The following PXDNL variants were observed in gnomAD, a reference collection of about 807,000 sequenced individuals.
PXDNL encodes probable oxidoreductase PXDNL.
In PXDNL, 145 loss-of-function variants were observed where a neutral mutation model predicts 150.8. The ratio of observed to expected loss-of-function variants is 0.96; its 90% confidence interval spans 0.84 to 1.10. PXDNL has a LOEUF of 1.10. PXDNL is among the 50% of genes least tolerant of loss of function. The pLI, the probability that PXDNL is intolerant of heterozygous loss-of-function variation, is 0.00. For missense variants in PXDNL, 2,087 were observed against 1,873.9 expected (o/e 1.11, Z -2.10); for synonymous variants, 757 against 725.7 (o/e 1.04, Z -0.69).
chr8:51,419,255 T>C (rs975041718), intron 14 of PXDNL, among the ~76,000 whole-genome samples: 8 of 152,190 alleles, frequency 5.3e-5, no homozygotes, highest in Non-Finnish European at 8.8e-5. Flanking sequence ...TGTTACATGG[T>C]CCAAGTTTTT....
chr8:51,546,712 C>A (rs1178026336), intron 4 of PXDNL, among the ~76,000 whole-genome samples: 1 of 152,176 alleles, frequency 6.6e-6, no homozygotes, highest in Non-Finnish European at 1.5e-5. Flanking sequence ...AGGCCTGAGA[C>A]CCCTACTTGC....
intron 2 of PXDNL, among the ~76,000 whole-genome samples, chr8:51,638,357 C>A (rs1814654806): frequency 6.6e-6 from 1 of 152,084 alleles, no homozygotes; most frequent in African/African-American, 2.4e-5. Context: ...ACAATATTAA[C>A]CTTCAATGTA....
At chr8:51,612,213 CCTCT>C (rs1268234124) in intron 2 of PXDNL, among the ~76,000 whole-genome samples, 1 of 152,154 alleles carries the variant, frequency 6.6e-6, no homozygotes, top group Non-Finnish European at 1.5e-5. Flanking sequence ...CTCCACTCCT[CCTCT>C]CTTTCCCAGC....
At chr8:51,385,333 G>GA (rs1292773410) in intron 17 of PXDNL, among the ~76,000 whole-genome samples, 226 of 133,998 alleles carry the variant, frequency 1.7e-3, no homozygotes, top group South Asian at 3.1e-3. Context: ...AGCTAAAAAG[G>GA]AAAAAAAAAA....
rs1174378530 is a variant in PXDNL at position 51,777,818 on chromosome 8, G to A, written c.164+31363C>T. 5.9e-5 allele frequency among the ~76,000 whole-genome samples: 9 copies of A among 152,282 alleles called. No individual in the cohort carries two copies. In the South Asian group the frequency reaches 6.2e-4, roughly 11 times the overall value. ...CTCAAGAGGCTGAGGCAGGAGAATC[G>A]CATGAACCCGGGAGGCGGAGGTTGC... is the stretch of plus-strand genomic sequence containing the variant. On this transcript the variant is annotated intron_variant, in intron 1 of 22. Transcript: ENST00000356297.
chr8:51,408,872 C>A lies in PXDNL; in HGVS notation c.2752G>T (p.Gly918Cys). ...CAAGGAAAGCCTGTCTTCAGGAGAC[C>A]CCGAGGCACCGAAGGGTCTCTGAGA... The part of the protein sequence containing the change: ...QALRDPSVPR[G>C]LLKTGFPWPP... Residue 918 changes from glycine (G) to cysteine (C), a missense_variant, in exon 17 of 23, where the codon GGT (glycine) becomes TGT (cysteine). Coordinates refer to ENST00000356297, the MANE Select transcript of PXDNL (RefSeq NM_144651.5). 2 of 1,594,908 alleles carry A rather than the reference C, an allele frequency of 1.3e-6. No individual in the cohort carries two copies. The highest frequency in any genetic ancestry group is 8.5e-7 in the Non-Finnish European group (1 of 1,170,850).
rs112736485 is a variant in PXDNL at position 51,416,065 on chromosome 8, A to G, written c.1796-2807T>C. ...TGTATGACTTGATTATTTAATCAAC[A>G]TATTAGCTTTTTCTTTGTCCCTTTT... On this transcript the variant is annotated intron_variant, in intron 14 of 22. Transcript: ENST00000356297. Among the ~76,000 whole-genome samples, 498 of 152,344 alleles carry G rather than the reference A, an allele frequency of 3.3e-3. 3 individuals are homozygous for G. Among genetic ancestry groups the G allele is most frequent in the African/African-American group, 0.011 (477 of 41,584 alleles).
At position 51,666,951 on chromosome 8, in the gene PXDNL, C is replaced by A. The variant is rs572091802; in HGVS notation, c.165-12191G>T. Among the ~76,000 whole-genome samples, 13 of 152,262 alleles carry A rather than the reference C, an allele frequency of 8.5e-5. No homozygotes were observed. The South Asian group carries it at 2.7e-3, about 32-fold the overall frequency. On this transcript the variant is annotated intron_variant, in intron 1 of 22. Transcript: ENST00000356297. ...CCATAGCTGCCTGTGTGTTCTGAGA[C>A]CCACCCCGATTTTCTGTTTCCCTCC...
intron 1 of PXDNL, among the ~76,000 whole-genome samples, chr8:51,695,430 A>G (rs1446748646): frequency 6.6e-6 from 1 of 152,148 alleles, no homozygotes; most frequent in African/African-American, 2.4e-5. Context: ...ATTACCAATT[A>G]TATCAGGGAG....
At chr8:51,395,535 T>A (rs1808054670) in intron 17 of PXDNL, among the ~76,000 whole-genome samples, 1 of 152,158 alleles carries the variant, frequency 6.6e-6, no homozygotes, top group South Asian at 2.1e-4. Flanking sequence ...AAAAAGGGAA[T>A]TCAAATTATG....
At position 51,374,696 on chromosome 8, in the gene PXDNL, G is replaced by T. The variant is rs372688901; in HGVS notation, c.3593C>A (p.Pro1198His). 2.5e-6 allele frequency: 4 copies of T among 1,613,894 alleles called. No individual in the cohort carries two copies. The South Asian group carries it at 3.3e-5, about 13-fold the overall frequency. Residue 1198 changes from proline (P) to histidine (H), a missense_variant, in exon 18 of 23, where the codon CCC becomes CAC. Physicochemically the swap from Pro to His is moderately conservative, Grantham distance 77 (BLOSUM62 -2). Transcript: ENST00000356297. The stretch of plus-strand genomic sequence containing the variant: ...AATCAGGTCTTCAACCATAAGGGCG[G>T]GCCAGAGGTCAATGTCACCTGGAGA... The part of the protein sequence containing the change: ...YGSPGDIDLW[P>H]ALMVEDLIPG...
At chr8:51,645,977 A>G (rs1445951639) in intron 2 of PXDNL, among the ~76,000 whole-genome samples, 1 of 152,066 alleles carries the variant, frequency 6.6e-6, no homozygotes, top group East Asian at 1.9e-4. Context: ...GACTGAGAAG[A>G]GGAAAGACAG....
chr8:51,462,919 T>A (rs1185455154), intron 8 of PXDNL, among the ~76,000 whole-genome samples: 2 of 152,048 alleles, frequency 1.3e-5, no homozygotes, highest in African/African-American at 4.8e-5. Flanking sequence ...CCCATAGGGC[T>A]AACAGCAGAC....
At chr8:51,339,533 C>T (rs1158112297) in intron 21 of PXDNL, 91 bp downstream of exon 21, 1 of 1,264,182 alleles carries the variant, frequency 7.9e-7, no homozygotes, top group Non-Finnish European at 1.1e-6. Context: ...TGATACTGTG[C>T]TGTAATTGTG....
intron 2 of PXDNL, among the ~76,000 whole-genome samples, chr8:51,617,034 C>T (rs932993521): frequency 6.6e-6 from 1 of 152,084 alleles, no homozygotes; most frequent in Admixed American, 6.5e-5. Flanking sequence ...AGAGGGCCAA[C>T]TGTACTTACA....
At chr8:51,345,766 A>G (rs1392775948) in intron 20 of PXDNL, 67 bp downstream of exon 20, 3 of 922,868 alleles carry the variant, frequency 3.3e-6, no homozygotes, top group Non-Finnish European at 3.4e-6. Flanking sequence ...AAAGATAAAA[A>G]CAAATTGTAG....
At position 51,381,622 on chromosome 8, in the gene PXDNL, CTTTATTTATTTATTTATTTATTTA is replaced by C. The variant is rs143944182; in HGVS notation, c.3558-6915_3558-6892del. Among the ~76,000 whole-genome samples the C allele has an allele frequency of 4.6e-3, 652 of 141,918 alleles. 6 individuals carry two copies. The highest frequency in any genetic ancestry group is 0.015 in the African/African-American group (586 of 38,158). The allele number at this position is 141,918 out of a possible 152,430, so 93.1% of individuals were successfully genotyped here. ...GACCCTGATCCAATATGACTGGTGT[CTTTATTTATTTATTTATTTATTTA>C]TTTATTTATTTATTTATTTATTTTT... On this transcript the variant is annotated intron_variant, in intron 17 of 22. Transcript: ENST00000356297.
In PXDNL at chr8:51,328,081, C is replaced by T. The variant is rs185530787; in HGVS notation, c.4147-7184G>A. Reference sequence around the variant, plus strand: ...CTCCATAATGTGGGTGGGCCTCATCCAGTAAGGTGAAGGCCTGAATAGAAC... The same window carrying T: ...CTCCATAATGTGGGTGGGCCTCATCTAGTAAGGTGAAGGCCTGAATAGAAC... On this transcript the variant is annotated intron_variant, in intron 21 of 22. Transcript: ENST00000356297. Among the ~76,000 whole-genome samples the T allele has an allele frequency of 1.5e-3, 221 of 152,292 alleles. 1 individual carries two copies. Among genetic ancestry groups the T allele is most frequent in the Admixed American group, 3.5e-3 (53 of 15,304 alleles).
intron 4 of PXDNL, among the ~76,000 whole-genome samples, chr8:51,508,460 C>A (rs911665447): frequency 6.6e-6 from 1 of 152,178 alleles, no homozygotes; most frequent in African/African-American, 2.4e-5. Flanking sequence ...TGGAATGCGT[C>A]GGTTAGTCCC....
Sources: gnomAD v4.1 joint callset for allele counts (sites outside exome capture counted in the v4.1 genomes callset) on GRCh38, gnomAD v4.1.1 for gene constraint, MANE v1.5 for transcripts, NCBI Gene and HGNC (gene_info 2026-07-23, HGNC 2026-07-21) for gene names.